Variants in LIN37 observed in about 807,000 individuals in gnomAD.
The protein encoded by LIN37 is protein lin-37 homolog.
In LIN37, 21 loss-of-function variants were observed where a neutral mutation model predicts 38.0. The observed-to-expected ratio is 0.55, with a 90% CI of 0.39 to 0.80. LIN37 has a LOEUF of 0.80. Among genes scored for constraint, LIN37 ranks in the 30% least tolerant of loss-of-function variants. LIN37 has a pLI of 0.00. For synonymous variants in LIN37, 126 were observed against 122.9 expected (o/e 1.03, Z -0.17); for missense variants, 273 against 338.5 (o/e 0.81, Z 1.52).
intron 1 of LIN37, among the ~76,000 whole-genome samples, chr19:35,750,124 G>A (rs1234459391): frequency 3.3e-5 from 5 of 152,064 alleles, no homozygotes; most frequent in South Asian, 4.2e-4. Flanking sequence ...AGAGACACTC[G>A]GGAGGCCTAG....
intron 1 of LIN37, chr19:35,748,998 G>GA: frequency 7.3e-7 from 1 of 1,372,724 alleles, no homozygotes; most frequent in South Asian, 1.6e-5. Context: ...AGGACATGGG[G>GA]AATCCTGAGC....
intron 3 of LIN37, 119 bp from the exon 4 acceptor site, chr19:35,752,685 G>A: frequency 7.1e-7 from 1 of 1,413,786 alleles, no homozygotes; most frequent in Non-Finnish European, 9.8e-7. Flanking sequence ...GGGACAAAAG[G>A]CCCAAGAGGC....
At chr19:35,751,753 C>T (rs1970682559) in intron 1 of LIN37, among the ~76,000 whole-genome samples, 1 of 152,074 alleles carries the variant, frequency 6.6e-6, no homozygotes, top group East Asian at 1.9e-4. Flanking sequence ...TAAACCTTGC[C>T]ACTGGGACAG....
chr19:35,754,417 C>T lies in LIN37; in HGVS notation c.684C>T (p.Asn228=). ...GGTGGAAGGAGGCCTCTCATCGGAA[C>T]CAGCTTCGTTACTCAGAAAGCATGA... The part of the protein sequence containing the change: ...RQRWKEASHR[N]QLRYSESMKI... Residue 228 remains asparagine (N), a synonymous_variant, in exon 9 of 9, where the codon AAC becomes AAT. Coordinates refer to ENST00000301159, the MANE Select transcript of LIN37 (RefSeq NM_019104.3). The T allele has an allele frequency of 6.2e-7, 1 of 1,614,042 alleles. No homozygotes were observed. The highest frequency in any genetic ancestry group is 1.1e-5 in the South Asian group (1 of 91,088).
At chr19:35,752,153 T>A (rs1970686960) in intron 1 of LIN37, 23 bp from the exon 2 acceptor site, 1 of 1,571,896 alleles carries the variant, frequency 6.4e-7, no homozygotes, top group African/African-American at 1.4e-5. Context: ...AGCTGACTCC[T>A]GCTGGGTCCT....
intron 1 of LIN37, among the ~76,000 whole-genome samples, chr19:35,751,229 G>A (rs1034312611): frequency 6.6e-6 from 1 of 151,580 alleles, no homozygotes; most frequent in East Asian, 2.0e-4. Flanking sequence ...GCTGAGGCAG[G>A]AGAATCACTT....
intron 7 of LIN37, 37 bp from the exon 8 acceptor site, chr19:35,754,209 G>C (rs1970721981): frequency 6.2e-7 from 1 of 1,613,986 alleles, no homozygotes; most frequent in Non-Finnish European, 8.5e-7. Flanking sequence ...GTAGGGCTCA[G>C]GAATGGCCAC....
In LIN37 at chr19:35,753,078, C is replaced by T. The variant is rs1354112372; in HGVS notation, c.278-9C>T. 2.5e-6 allele frequency: 4 copies of T among 1,602,784 alleles called. No homozygotes were observed. The highest frequency in any genetic ancestry group is 4.5e-5 in the East Asian group (2 of 44,324). ...GATGCTCACACACCTCCCATCCCCACCTTCCCAGACACATATGTGATCAAG... is the reference window on the plus strand; with the variant it reads ...GATGCTCACACACCTCCCATCCCCATCTTCCCAGACACATATGTGATCAAG... On this transcript the variant is annotated splice_polypyrimidine_tract_variant and intron_variant, in intron 5 of 8. Transcript: ENST00000301159.
intron 1 of LIN37, chr19:35,751,936 C>T (rs1178178845): frequency 8.1e-6 from 3 of 372,470 alleles, no homozygotes. Flanking sequence ...CCAAAAGGCT[C>T]ATAAGGTAAG....
At chr19:35,753,446 G>T in intron 6 of LIN37, 193 bp downstream of exon 6, 1 of 694,990 alleles carries the variant, frequency 1.4e-6, no homozygotes, top group Admixed American at 2.1e-5. Context: ...GAAGACATAC[G>T]TAACCACCTG....
chr19:35,750,297 C>T (rs1477821814), intron 1 of LIN37, among the ~76,000 whole-genome samples: 1 of 152,084 alleles, frequency 6.6e-6, no homozygotes, highest in Non-Finnish European at 1.5e-5. Context: ...GAGTTGTGGA[C>T]GTGATCCGTA....
chr19:35,750,058 C>G (rs1458358112), intron 1 of LIN37, among the ~76,000 whole-genome samples: 1 of 151,512 alleles, frequency 6.6e-6, no homozygotes, highest in East Asian at 1.9e-4. Context: ...GGCAGGGAGC[C>G]AAGGGGGAGC....
chr19:35,753,687 AG>A, intron 6 of LIN37: 1 of 506,290 alleles, frequency 2.0e-6, no homozygotes, highest in Non-Finnish European at 3.6e-6. Flanking sequence ...TCAGACATAT[AG>A]GACTGTCAGA....
In LIN37 at chr19:35,753,110, G is replaced by A. The variant is rs370575872; in HGVS notation, c.301G>A (p.Asp101Asn). ...RSNTYVIKLF[D>N]RSVDLAQFSE... ...AGACACATATGTGATCAAGCTGTTC[G>A]ACCGGAGCGTGGACTTGGCCCAGTT... The change falls in exon 6 of 9, where the codon GAC becomes AAC. Residue 101 changes from aspartate (D) to asparagine (N), a missense_variant. Physicochemically the swap from Asp to Asn is conservative, Grantham distance 23 (BLOSUM62 1). Transcript: ENST00000301159. 2.5e-6 allele frequency: 4 copies of A among 1,606,064 alleles called. No individual in the cohort carries two copies. Among genetic ancestry groups the A allele is most frequent in the Middle Eastern group, 1.6e-4 (1 of 6,072 alleles).
At chr19:35,752,075 T>A (rs1970685865) in intron 1 of LIN37, 101 bp from the exon 2 acceptor site, 3 of 844,138 alleles carry the variant, frequency 3.6e-6, no homozygotes, top group Non-Finnish European at 5.8e-6. Flanking sequence ...GCTCTGAGAT[T>A]GGCCAGGGCA....
rs143538823 is a variant in LIN37 at position 35,750,832 on chromosome 19, G to A, written c.35-1344G>A. ...AAAAATTAGTTGACCATGGTGGCAC[G>A]CGCCTGTAGTCCCAGTTCTTTGGGA... On this transcript the variant is annotated intron_variant, in intron 1 of 8. Coordinates refer to ENST00000301159, the MANE Select transcript of LIN37 (RefSeq NM_019104.3). Among the ~76,000 whole-genome samples, 76 of 151,986 alleles carry A rather than the reference G, an allele frequency of 5.0e-4. 1 individual carries two copies. The East Asian group carries it at 0.012, about 25-fold the overall frequency.
At chr19:35,754,182 G>A (rs775782773) in intron 7 of LIN37, 25 bp downstream of exon 7, 2 of 1,613,976 alleles carry the variant, frequency 1.2e-6, no homozygotes, top group South Asian at 1.1e-5. Flanking sequence ...CTGGCCCAGG[G>A]TTATGGGGCA....
At chr19:35,752,324 G>T (rs762072841) in intron 2 of LIN37, 73 bp downstream of exon 2, 162 of 1,571,438 alleles carry the variant, frequency 1.0e-4, no homozygotes, top group Non-Finnish European at 1.2e-4. Context: ...GGATTGGGTG[G>T]GACCCCACAG....
At chr19:35,748,961 G>T in intron 1 of LIN37, 1 of 1,444,134 alleles carries the variant, frequency 6.9e-7, no homozygotes, top group Non-Finnish European at 9.1e-7. Context: ...GATTGAATGG[G>T]GTGGCTCGGG....
Sources: gnomAD v4.1 joint callset for allele counts (sites outside exome capture counted in the v4.1 genomes callset) on GRCh38, gnomAD v4.1.1 for gene constraint, MANE v1.5 for transcripts, NCBI Gene and HGNC (gene_info 2026-07-23, HGNC 2026-07-21) for gene names.